Variants in PODXL observed in about 807,000 individuals in gnomAD.
PODXL encodes podocalyxin like.
In PODXL, 20 loss-of-function variants were observed where a neutral mutation model predicts 48.9. The observed-to-expected ratio is 0.41, with a 90% confidence interval of 0.29 to 0.59. The LOEUF (loss-of-function observed/expected upper bound fraction) is 0.59, where lower values mean the gene tolerates loss of function less well. Ranked by LOEUF, PODXL falls within the 20% of genes least tolerant of loss-of-function variation. The probability of loss-of-function intolerance (pLI) is 0.31; values close to 1 mark genes in which losing one functional copy is unlikely to be tolerated. For missense variants in PODXL, 606 were observed against 675.1 expected, an observed-to-expected ratio of 0.90 and a Z score of 1.13; for synonymous variants, 295 against 287.4, an observed-to-expected ratio of 1.03 and a Z score of -0.27.
intron 1 of PODXL, among the ~76,000 whole-genome samples, chr7:131,547,094 C>T (rs1045411211): frequency 6.6e-6 from 1 of 152,114 alleles, no homozygotes; most frequent in Non-Finnish European, 1.5e-5. Flanking sequence ...AATCAACATG[C>T]CAGGTGCGGG....
intron 1 of PODXL, among the ~76,000 whole-genome samples, chr7:131,553,431 T>A (rs1173268218): frequency 1.3e-5 from 2 of 152,190 alleles, no homozygotes; most frequent in African/African-American, 4.8e-5. Context: ...AGGATCCCAA[T>A]GCCTGGGGTC....
chr7:131,534,722 A>G (rs1798341680), intron 1 of PODXL, among the ~76,000 whole-genome samples: 1 of 152,244 alleles, frequency 6.6e-6, no homozygotes, highest in Admixed American at 6.5e-5. Context: ...CTCTGGAGGA[A>G]GAAGGCAGGG....
At chr7:131,545,603 G>C (rs74399340) in intron 1 of PODXL, among the ~76,000 whole-genome samples, 1 of 152,072 alleles carries the variant, frequency 6.6e-6, no homozygotes, top group Non-Finnish European at 1.5e-5. Flanking sequence ...TGTTCCTCTC[G>C]ATGTTCTACT....
intron 1 of PODXL, among the ~76,000 whole-genome samples, chr7:131,529,285 T>C (rs1798235096): frequency 6.6e-6 from 1 of 152,072 alleles, no homozygotes. Flanking sequence ...GAAGCCTGTG[T>C]TGAATGAGTT....
chr7:131,524,366 A>ACACATG (rs1798140383), intron 1 of PODXL, among the ~76,000 whole-genome samples: 1 of 107,404 alleles, frequency 9.3e-6, no homozygotes, highest in Non-Finnish European at 1.8e-5. Flanking sequence ...ACACACGCAC[A>ACACATG]CACACACACA....
At chr7:131,510,496 C>T (rs1255941850) in intron 2 of PODXL, among the ~76,000 whole-genome samples, 165 bp from the exon 3 acceptor site, 2 of 150,902 alleles carry the variant, frequency 1.3e-5, no homozygotes, top group African/African-American at 4.9e-5. Context: ...GGTGACAGAG[C>T]GAGACTCCAT....
Position 131,506,054 on chromosome 7 carries a change from A to G in PODXL, c.1312-19T>C. The G allele has an allele frequency of 6.2e-7, 1 of 1,605,318 alleles. No homozygotes were observed. The highest frequency in any genetic ancestry group is 1.1e-5 in the South Asian group (1 of 89,448). On this transcript the variant is annotated intron_variant, in intron 7 of 8. Coordinates refer to ENST00000378555, the MANE Select transcript of PODXL (RefSeq NM_001018111.3). ...CCCCTGCCTGCATGGGAAGTGGCAG[A>G]GAACAGGCTGGGGGCATCCTCTCTC...
chr7:131,532,393 G>A (rs953289938), intron 1 of PODXL, among the ~76,000 whole-genome samples: 4 of 148,826 alleles, frequency 2.7e-5, no homozygotes, highest in Admixed American at 6.7e-5. Context: ...CTGAGATCGC[G>A]CCACTGCACT....
At chr7:131,533,371 C>T (rs1193005013) in intron 1 of PODXL, among the ~76,000 whole-genome samples, 1 of 152,170 alleles carries the variant, frequency 6.6e-6, no homozygotes, top group African/African-American at 2.4e-5. Flanking sequence ...GAGAGCTGCC[C>T]CCTTAGGGGA....
chr7:131,527,038 C>T (rs542951386), intron 1 of PODXL, among the ~76,000 whole-genome samples: 55 of 152,118 alleles, frequency 3.6e-4, no homozygotes, highest in Non-Finnish European at 1.0e-4. Context: ...CACACCTGGC[C>T]CACAACTTCT....
intron 1 of PODXL, among the ~76,000 whole-genome samples, chr7:131,532,919 T>C (rs1798308075): frequency 6.6e-6 from 1 of 152,140 alleles, no homozygotes; most frequent in African/African-American, 2.4e-5. Flanking sequence ...CGCCAGAACC[T>C]GACCATGCCG....
In PODXL at chr7:131,506,702, A is replaced by G. The variant is rs3212300; in HGVS notation, c.1126T>C (p.Leu376=). 0.07 allele frequency: 113,637 copies of G among 1,614,006 alleles called. 4,481 individuals are homozygous for G. Among genetic ancestry groups the G allele is most frequent in the Non-Finnish European group, 0.077 (91,208 of 1,179,954 alleles). ...LCAGGASDEK[L]ISLICRAVKA... ...ACTGCTCGGCATATCAGTGAGATCA[A>G]TTTCTCATCCGAAGCGCCCCCTGCC... is the stretch of plus-strand genomic sequence containing the variant. The change falls in exon 6 of 9, where the codon TTG becomes CTG. Residue 376 remains leucine, a synonymous_variant. Coordinates refer to ENST00000378555, the MANE Select transcript of PODXL (RefSeq NM_001018111.3).
chr7:131,521,798 C>A (rs137865220), intron 1 of PODXL, among the ~76,000 whole-genome samples: 46 of 152,228 alleles, frequency 3.0e-4, no homozygotes, highest in African/African-American at 1.0e-3. Context: ...CAAACCCTTG[C>A]GGGTGGGGCT....
intron 1 of PODXL, among the ~76,000 whole-genome samples, chr7:131,522,939 A>T (rs150661219): frequency 1.3e-5 from 2 of 152,230 alleles, no homozygotes; most frequent in Non-Finnish European, 2.9e-5. Context: ...GCTGATGAAC[A>T]TTTGGGTTGT....
chr7:131,556,380 G>A lies in PODXL; in HGVS notation c.-21C>T, dbSNP rs535951213. 3.7e-6 allele frequency: 5 copies of A among 1,361,870 alleles called. No homozygotes were observed. The East Asian group carries it at 8.5e-5, about 23-fold the overall frequency. 84.4% of individuals were successfully genotyped at this position (1,361,870 alleles called of 1,614,324 possible). On this transcript the variant is annotated 5_prime_UTR_variant, in exon 1 of 9. Coordinates refer to ENST00000378555, the MANE Select transcript of PODXL (RefSeq NM_001018111.3). ...CGCATCGTGTCGTCGCCTCTGGGCCGGGAGCAGGTGGCTGCGGTGCCGGCG... is the reference window on the plus strand; with the variant it reads ...CGCATCGTGTCGTCGCCTCTGGGCCAGGAGCAGGTGGCTGCGGTGCCGGCG...
At chr7:131,545,910 C>A (rs969479746) in intron 1 of PODXL, among the ~76,000 whole-genome samples, 18 of 152,336 alleles carry the variant, frequency 1.2e-4, no homozygotes, top group African/African-American at 4.1e-4. Flanking sequence ...AAATAAAAAA[C>A]CTCATATGGT....
intron 1 of PODXL, among the ~76,000 whole-genome samples, chr7:131,553,176 C>T (rs1798693597): frequency 6.6e-6 from 1 of 152,154 alleles, no homozygotes; most frequent in Admixed American, 6.5e-5. Context: ...GACTCCCCGA[C>T]CCTAATCTGC....
intron 1 of PODXL, among the ~76,000 whole-genome samples, chr7:131,523,782 G>A (rs1798129014): frequency 6.8e-6 from 1 of 146,908 alleles, no homozygotes; most frequent in Non-Finnish European, 1.5e-5. Context: ...TATATTTGCA[G>A]AAAAATCATC....
chr7:131,552,133 T>C (rs1408637446), intron 1 of PODXL, among the ~76,000 whole-genome samples: 2 of 152,096 alleles, frequency 1.3e-5, no homozygotes, highest in Non-Finnish European at 2.9e-5. Flanking sequence ...CCAGGGAGCC[T>C]AAAGCCAGGG....
Sources: gnomAD v4.1 joint callset for allele counts (sites outside exome capture counted in the v4.1 genomes callset) on GRCh38, gnomAD v4.1.1 for gene constraint, MANE v1.5 for transcripts, NCBI Gene and HGNC (gene_info 2026-07-23, HGNC 2026-07-21) for gene names.